ARAP2: variants seen among roughly 807,000 people sequenced by gnomAD.
The protein encoded by ARAP2 is ArfGAP with RhoGAP domain, ankyrin repeat and PH domain 2, also known as arf-GAP with Rho-GAP domain, ANK repeat and PH domain-containing protein 2.
A neutral mutation model predicts 194.5 loss-of-function variants in ARAP2; 148 were observed. The observed-to-expected ratio is 0.76, with a 90% CI of 0.67 to 0.87. The LOEUF is 0.87. Among genes scored for constraint, ARAP2 ranks in the 40% least tolerant of loss-of-function variants. The pLI, the probability that ARAP2 is intolerant of heterozygous loss-of-function variation, is 0.00. For synonymous variants in ARAP2, 695 were observed against 683.5 expected (o/e 1.02, Z -0.26); for missense variants, 2,128 against 1,989.7 (o/e 1.07, Z -1.32).
chr4:36,011,615 G>A (rs988139884), intron 9 of ARAP2, among the ~76,000 whole-genome samples: 1 of 152,000 alleles, frequency 6.6e-6, no homozygotes, highest in African/African-American at 2.4e-5. Context: ...TGGCAGGAAG[G>A]GAATGCAATG....
intron 15 of ARAP2, among the ~76,000 whole-genome samples, chr4:36,153,617 T>A (rs1731529063): frequency 6.6e-6 from 1 of 152,160 alleles, no homozygotes; most frequent in Non-Finnish European, 1.5e-5. Flanking sequence ...AGAAAAACAT[T>A]ACGACAGGAT....
chr4:36,165,400 C>T (rs1273321156), intron 10 of ARAP2, among the ~76,000 whole-genome samples: 1 of 152,122 alleles, frequency 6.6e-6, no homozygotes, highest in African/African-American at 2.4e-5. Context: ...CAAGCCTAAA[C>T]AAGAGGCTAT....
intron 6 of ARAP2, among the ~76,000 whole-genome samples, chr4:36,207,320 C>G (rs750735750): frequency 1.2e-4 from 19 of 152,202 alleles, no homozygotes; most frequent in Non-Finnish European, 2.4e-4. Flanking sequence ...ACTTATTAAG[C>G]TTTTCATCTG....
upstream of ARAP2, chr4:36,244,622 G>A (rs1246124276): frequency 2.0e-5 from 3 of 151,908 alleles, no homozygotes; most frequent in African/African-American, 7.2e-5. Context: ...TTGGGTGACT[G>A]ACTCAGACCG....
intron 21 of ARAP2, among the ~76,000 whole-genome samples, 194 bp downstream of exon 21, chr4:36,128,339 G>C (rs1219174516): frequency 6.6e-6 from 1 of 151,920 alleles, no homozygotes; most frequent in Non-Finnish European, 1.5e-5. Context: ...TTGAGGTAGA[G>C]AGAAACAGCT....
chr4:36,086,375 A>G (rs1437798343), intron 28 of ARAP2, among the ~76,000 whole-genome samples: 1 of 152,146 alleles, frequency 6.6e-6, no homozygotes, highest in Non-Finnish European at 1.5e-5. Flanking sequence ...CACTCCTGGC[A>G]TGCAGGCTCA....
chr4:36,231,653 C>T (rs893140682), intron 1 of ARAP2, among the ~76,000 whole-genome samples: 1 of 152,140 alleles, frequency 6.6e-6, no homozygotes, highest in African/African-American at 2.4e-5. Flanking sequence ...TACCCCTGTT[C>T]ATAAAAACCT....
chr4:36,045,326 T>G (rs1721615976), intron 5 of ARAP2, among the ~76,000 whole-genome samples: 1 of 152,086 alleles, frequency 6.6e-6, no homozygotes, highest in Non-Finnish European at 1.5e-5. Context: ...TAAAAAAACA[T>G]GGTATATATT....
intron 32 of ARAP2, among the ~76,000 whole-genome samples, chr4:36,070,787 T>C (rs1726669626): frequency 6.6e-6 from 1 of 152,204 alleles, no homozygotes; most frequent in Non-Finnish European, 1.5e-5. Context: ...TACATAATCA[T>C]ATCAATAAAT....
At position 36,187,438 on chromosome 4, in the gene ARAP2, T is replaced by C; in HGVS notation, c.1678+13A>G. On this transcript the variant is annotated intron_variant, in intron 8 of 32. Transcript: ENST00000303965. Reference sequence around the variant, plus strand: ...AATTAATGTATTTCATATGGATAAATAAATAATCTCACCTTCTTTTTCTAC... The same window carrying C: ...AATTAATGTATTTCATATGGATAAACAAATAATCTCACCTTCTTTTTCTAC... 7.4e-7 allele frequency: 1 copy of C among 1,360,200 alleles called. No homozygotes were observed. The highest frequency in any genetic ancestry group is 1.6e-5 in the South Asian group (1 of 64,178). The allele number at this position is 1,360,200 out of a possible 1,614,324, so 84.3% of individuals were successfully genotyped here. A position where few individuals can be genotyped will look rare whatever the true frequency, so the allele number is the denominator to read the frequency against.
chr4:36,121,030 T>G (rs1420258357), intron 23 of ARAP2, 149 bp downstream of exon 23: 3 of 592,188 alleles, frequency 5.1e-6, no homozygotes, highest in Non-Finnish European at 5.1e-6. Context: ...TACTTATATC[T>G]ATAATTTAAA....
chr4:36,043,636 A>G (rs1011970625), intron 5 of ARAP2, among the ~76,000 whole-genome samples: 11 of 151,898 alleles, frequency 7.2e-5, no homozygotes, highest in African/African-American at 2.7e-4. Context: ...CCGCTATATA[A>G]TTTCAGAAAC....
intron 6 of ARAP2, among the ~76,000 whole-genome samples, chr4:36,199,026 G>A (rs1743794740): frequency 1.3e-5 from 2 of 152,344 alleles, no homozygotes; most frequent in South Asian, 2.1e-4. Context: ...CCACAGCTTG[G>A]CAACTACAGC....
intron 20 of ARAP2, among the ~76,000 whole-genome samples, chr4:36,131,997 G>A (rs1336580503): frequency 6.6e-6 from 1 of 151,602 alleles, no homozygotes. Flanking sequence ...AATGAATCTG[G>A]ACATTAATAA....
intron 1 of ARAP2, among the ~76,000 whole-genome samples, chr4:36,231,813 A>G (rs1388178021): frequency 6.6e-6 from 1 of 152,100 alleles, no homozygotes; most frequent in Non-Finnish European, 1.5e-5. Flanking sequence ...GAGGTGACCT[A>G]CCGATTTTAC....
Position 36,160,616 on chromosome 4 carries a change from C to G in ARAP2, c.2285G>C (p.Arg762Thr). 6.8e-7 allele frequency: 1 copy of G among 1,472,374 alleles called. No homozygotes were observed. Among genetic ancestry groups the G allele is most frequent in the East Asian group, 2.7e-5 (1 of 37,526 alleles). The allele number at this position is 1,472,374 out of a possible 1,614,324, so 91.2% of individuals were successfully genotyped here. Residue 762 changes from arginine to threonine, a missense_variant, in exon 13 of 33, where the codon AGA becomes ACA. Transcript: ENST00000303965. Reference protein sequence around the residue: ...IELFIVIGNKRANDFWAGNLQ... With the variant: ...IELFIVIGNKTANDFWAGNLQ... ...ATTACCAGCCCAAAAGTCATTTGCT[C>G]TTTTGTTTCCAATGACAATAAAAAG... is the stretch of plus-strand genomic sequence containing the variant.
intron 19 of ARAP2, among the ~76,000 whole-genome samples, chr4:36,137,132 C>A (rs1030300321): frequency 2.0e-5 from 3 of 151,724 alleles, no homozygotes; most frequent in African/African-American, 7.3e-5. Context: ...AATACGTATG[C>A]ATTAGTTTTG....
At chr4:36,096,374 A>AAAAAAAAAAAAAAAAAAAAAAAAAAG (rs796310005) in intron 27 of ARAP2, among the ~76,000 whole-genome samples, 5 of 142,066 alleles carry the variant, frequency 3.5e-5, no homozygotes, top group African/African-American at 1.5e-4. Flanking sequence ...AAAAAAAAAA[A>AAAAAAAAAAAAAAAAAAAAAAAAAAG]AAAAAAGAAA....
intron 15 of ARAP2, among the ~76,000 whole-genome samples, chr4:36,156,883 A>G (rs1395032123): frequency 5.3e-5 from 8 of 152,240 alleles, no homozygotes. Flanking sequence ...TAGTTAAATT[A>G]CATATACAGA....
Sources: gnomAD v4.1 joint callset for allele counts (sites outside exome capture counted in the v4.1 genomes callset) on GRCh38, gnomAD v4.1.1 for gene constraint, MANE v1.5 for transcripts, NCBI Gene and HGNC (gene_info 2026-07-23, HGNC 2026-07-21) for gene names.